Variants in TENT4A observed in about 807,000 individuals in gnomAD.
TENT4A encodes DNA polymerase kappa.
A neutral mutation model predicts 72.8 loss-of-function variants in TENT4A; 7 were observed. The ratio of observed to expected loss-of-function variants is 0.10; its 90% CI spans 0.05 to 0.18. The LOEUF (loss-of-function observed/expected upper bound fraction) is 0.18, where lower values mean the gene tolerates loss of function less well. Among genes scored for constraint, TENT4A ranks in the 10% least tolerant of loss-of-function variants. The probability of loss-of-function intolerance (pLI) is 1.00; values close to 1 mark genes in which losing one functional copy is unlikely to be tolerated. For missense variants in TENT4A, 831 were observed against 1,017.7 expected, an observed-to-expected ratio of 0.82 and a Z score of 2.50; for synonymous variants, 456 against 434.3, an observed-to-expected ratio of 1.05 and a Z score of -0.62.
At chr5:6,746,192 T>C in intron 6 of TENT4A, 22 bp from the exon 7 acceptor site, 1 of 1,614,116 alleles carries the variant, frequency 6.2e-7, no homozygotes, top group Non-Finnish European at 8.5e-7. Context: ...CCATACAAAT[T>C]GTGGGTGCAT....
At chr5:6,728,553 A>T (rs184132278) in intron 1 of TENT4A, among the ~76,000 whole-genome samples, 4 of 152,306 alleles carry the variant, frequency 2.6e-5, no homozygotes, top group Non-Finnish European at 5.9e-5. Flanking sequence ...AGTCTAGGGT[A>T]TGGGATAACT....
chr5:6,745,501 A>C (rs949014401), intron 6 of TENT4A, among the ~76,000 whole-genome samples: 6 of 152,192 alleles, frequency 3.9e-5, no homozygotes, highest in African/African-American at 1.4e-4. Context: ...GTGGCTGGTG[A>C]GAGCAACAAG....
At chr5:6,743,282 C>G (rs1403395898) in intron 5 of TENT4A, among the ~76,000 whole-genome samples, 1 of 152,186 alleles carries the variant, frequency 6.6e-6, no homozygotes, top group African/African-American at 2.4e-5. Flanking sequence ...GCAACACGAA[C>G]AGCAGCAGCC....
rs557638270 is a variant in TENT4A, at chr5:6,747,118, A to G, written c.1459+691A>G. Reference sequence around the variant, plus strand: ...TTTAATGATTAGTGGGGTTAAACACATTGCTATTTATGAATTCCACAAATT... The same window carrying G: ...TTTAATGATTAGTGGGGTTAAACACGTTGCTATTTATGAATTCCACAAATT... On this transcript the variant is annotated intron_variant, in intron 7 of 12. Coordinates refer to ENST00000230859, the MANE Select transcript of TENT4A (RefSeq NM_006999.6). Among the ~76,000 whole-genome samples the G allele has an allele frequency of 1.2e-4, 19 of 152,356 alleles. 1 individual carries two copies. The South Asian group carries it at 2.9e-3, about 23-fold the overall frequency.
At position 6,748,448 on chromosome 5, in the gene TENT4A, A is replaced by G. The variant is rs1240040823; in HGVS notation, c.1460-16A>G. ...TGTGCATGTGGGGAGGGTCTGACAT[A>G]GCCTTTTTGCTGCAGGGAATGACGT... is the stretch of plus-strand genomic sequence containing the variant. On this transcript the variant is annotated splice_polypyrimidine_tract_variant and intron_variant, in intron 7 of 12. Coordinates refer to ENST00000230859, the MANE Select transcript of TENT4A (RefSeq NM_006999.6). 2 of 1,613,770 alleles carry G rather than the reference A, an allele frequency of 1.2e-6. No individual in the cohort carries two copies. The highest frequency in any genetic ancestry group is 1.7e-6 in the Non-Finnish European group (2 of 1,179,782).
At chr5:6,737,705 G>A in intron 2 of TENT4A, 72 bp downstream of exon 2, 1 of 1,499,858 alleles carries the variant, frequency 6.7e-7, no homozygotes, top group Non-Finnish European at 9.0e-7. Flanking sequence ...TGATGATGAT[G>A]TGTCGGCTAG....
rs559941746 is a variant in TENT4A at position 6,714,489 on chromosome 5, C to T, written c.506C>T (p.Pro169Leu). Reference sequence around the variant, plus strand: ...GGCACAGCCAACGGGCACCCCGGGCCGCGCGGCCCCGCGCCCGCCGGCTCC... The same window carrying T: ...GGCACAGCCAACGGGCACCCCGGGCTGCGCGGCCCCGCGCCCGCCGGCTCC... ...APGTANGHPG[P>L]RGPAPAGSPS... The change falls in exon 1 of 13, where the codon CCG becomes CTG. Residue 169 changes from proline to leucine, a missense_variant. Transcript: ENST00000230859. The T allele has an allele frequency of 2.7e-4, 318 of 1,184,834 alleles. No homozygotes were observed. In the Middle Eastern group the frequency reaches 7.1e-3, roughly 27 times the overall value. 73.4% of individuals were successfully genotyped at this position (1,184,834 alleles called of 1,614,324 possible).
At chr5:6,747,340 G>GGGAA (rs1561043789) in intron 7 of TENT4A, among the ~76,000 whole-genome samples, 17 of 151,892 alleles carry the variant, frequency 1.1e-4, no homozygotes, top group Non-Finnish European at 2.4e-4. Flanking sequence ...TGTGTGTGTC[G>GGGAA]GGGAAGCCTT....
At chr5:6,737,902 TTG>T (rs1297319206) in intron 2 of TENT4A, among the ~76,000 whole-genome samples, 1 of 145,590 alleles carries the variant, frequency 6.9e-6, no homozygotes, top group East Asian at 2.0e-4. Context: ...GCTGAGGGAT[TTG>T]TTGGGTTTTT....
intron 1 of TENT4A, among the ~76,000 whole-genome samples, chr5:6,724,800 CTAGCCACAGTAG>C (rs1740827042): frequency 6.6e-6 from 1 of 152,188 alleles, no homozygotes; most frequent in African/African-American, 2.4e-5. Context: ...GTGTACAGTC[CTAGCCACAGTAG>C]TAATCACCAC....
intron 1 of TENT4A, among the ~76,000 whole-genome samples, chr5:6,726,164 C>CT (rs1377651640): frequency 2.0e-5 from 3 of 152,286 alleles, no homozygotes; most frequent in Admixed American, 6.5e-5. Context: ...AGGCCCTGTG[C>CT]TAAGCACTTG....
rs6886741 is a variant in TENT4A, at chr5:6,732,539, G to A, written c.717-4971G>A. Among the ~76,000 whole-genome samples, 982 of 152,198 alleles carry A rather than the reference G, an allele frequency of 6.5e-3. 12 individuals carry two copies. The highest frequency in any genetic ancestry group is 0.021 in the African/African-American group (888 of 41,524). ...TTTTCAGTACTAAAAGCAGAAAATC[G>A]GGAATTTACTAAATTGAGAAGTCAG... On this transcript the variant is annotated intron_variant, in intron 1 of 12. Coordinates refer to ENST00000230859, the MANE Select transcript of TENT4A (RefSeq NM_006999.6).
At chr5:6,716,432 C>T (rs1190808754) in intron 1 of TENT4A, among the ~76,000 whole-genome samples, 1 of 152,176 alleles carries the variant, frequency 6.6e-6, no homozygotes, top group East Asian at 1.9e-4. Context: ...GTTCGTTTGG[C>T]CCTTTTAATC....
intron 1 of TENT4A, among the ~76,000 whole-genome samples, chr5:6,717,196 A>C (rs1740431396): frequency 6.6e-6 from 1 of 152,242 alleles, no homozygotes; most frequent in South Asian, 2.1e-4. Flanking sequence ...CAGAGTGTTG[A>C]GAAAGGCCAC....
chr5:6,740,715 C>T (rs1741755261), intron 4 of TENT4A, among the ~76,000 whole-genome samples: 1 of 152,230 alleles, frequency 6.6e-6, no homozygotes. Flanking sequence ...AGTGCACATG[C>T]TCATGTCACT....
chr5:6,743,041 C>T (rs1021071873), intron 5 of TENT4A, among the ~76,000 whole-genome samples: 4 of 152,200 alleles, frequency 2.6e-5, no homozygotes, highest in South Asian at 4.2e-4. Context: ...TGGTCTTAAA[C>T]GGGTGGTCAT....
At chr5:6,749,777 G>C in intron 9 of TENT4A, 120 bp downstream of exon 9, 1 of 682,786 alleles carries the variant, frequency 1.5e-6, no homozygotes, top group South Asian at 1.7e-5. Context: ...TTTCTGATGA[G>C]CATTAATTAA....
intron 6 of TENT4A, chr5:6,745,978 T>C (rs1263719790): frequency 1.6e-5 from 22 of 1,343,328 alleles, no homozygotes; most frequent in Non-Finnish European, 1.8e-5. Context: ...GCTGTATGGA[T>C]TACCAATTTC....
In TENT4A at chr5:6,728,755, AGT is replaced by A. The variant is rs200713561; in HGVS notation, c.717-8753_717-8752del. On this transcript the variant is annotated intron_variant, in intron 1 of 12. Coordinates refer to ENST00000230859, the MANE Select transcript of TENT4A (RefSeq NM_006999.6). ...CTTACAGAAGACTTAAGACGGGCAC[AGT>A]GATGTCTGCTCTTTGACCCTTGCAG... Among the ~76,000 whole-genome samples, 1,246 of 152,376 alleles carry A rather than the reference AGT, an allele frequency of 8.2e-3. 9 individuals are homozygous for A. Among genetic ancestry groups the A allele is most frequent in the African/African-American group, 0.028 (1,150 of 41,592 alleles).
Sources: allele counts gnomAD v4.1 joint callset (sites outside exome capture counted in the v4.1 genomes callset), GRCh38; gene constraint gnomAD v4.1.1; transcripts MANE v1.5; gene names NCBI Gene and HGNC (gene_info 2026-07-23, HGNC 2026-07-21).